Variants in MSI2 observed in about 807,000 individuals in gnomAD.
The protein encoded by MSI2 is RNA-binding protein Musashi homolog 2.
Under a neutral mutation model 45.6 loss-of-function variants are expected in MSI2, and 17 were observed. The ratio of observed to expected loss-of-function variants is 0.37; its 90% CI spans 0.26 to 0.56. The LOEUF (loss-of-function observed/expected upper bound fraction) is 0.56, where lower values mean the gene tolerates loss of function less well. Among genes scored for constraint, MSI2 ranks in the 20% least tolerant of loss-of-function variants. MSI2 has a pLI of 0.77. For missense variants in MSI2, 293 were observed against 444.2 expected (o/e 0.66, Z 3.06); for synonymous variants, 156 against 158.2 (o/e 0.99, Z 0.11).
chr17:57,653,936 A>C (rs79750865), intron 11 of MSI2, among the ~76,000 whole-genome samples: 1 of 133,728 alleles, frequency 7.5e-6, no homozygotes, highest in Admixed American at 7.3e-5. Flanking sequence ...CCAGTCACAC[A>C]TTTTTTTTTT....
chr17:57,637,990 T>G (rs947864186), intron 10 of MSI2, among the ~76,000 whole-genome samples: 1 of 152,220 alleles, frequency 6.6e-6, no homozygotes, highest in Non-Finnish European at 1.5e-5. Context: ...ATCACCTTTC[T>G]TCAAGCCCTT....
intron 6 of MSI2, among the ~76,000 whole-genome samples, chr17:57,491,091 C>T (rs1281090598): frequency 2.0e-5 from 3 of 152,294 alleles, no homozygotes; most frequent in Admixed American, 6.5e-5. Flanking sequence ...GGTGTCCTGG[C>T]GCTGGGATAA....
At chr17:57,646,333 T>G (rs1286126604) in intron 10 of MSI2, among the ~76,000 whole-genome samples, 1 of 152,180 alleles carries the variant, frequency 6.6e-6, no homozygotes, top group Non-Finnish European at 1.5e-5. Flanking sequence ...AAAGCACCAT[T>G]GACTTCTAAT....
chr17:57,470,688 T>C (rs2085418820), intron 6 of MSI2, among the ~76,000 whole-genome samples: 1 of 152,218 alleles, frequency 6.6e-6, no homozygotes, highest in Admixed American at 6.5e-5. Context: ...GGCATCAGCC[T>C]TGCTGTCCAC....
In MSI2 at chr17:57,407,627, G is replaced by A. The variant is rs551220459; in HGVS notation, c.405+6156G>A. ...ATGTAGGTGGGTTGCCCGGGGAGTG[G>A]TCAGCCTCCCGGGCCTCACCCTGTC... is the stretch of plus-strand genomic sequence containing the variant. On this transcript the variant is annotated intron_variant, in intron 6 of 13. Coordinates refer to ENST00000284073, the MANE Select transcript of MSI2 (RefSeq NM_138962.4). The surrounding 1 kb of genome is among the most constrained non-coding windows in gnomAD (Gnocchi z 4.1). Among the ~76,000 whole-genome samples, 18 of 152,260 alleles carry A rather than the reference G, an allele frequency of 1.2e-4. No individual in the cohort carries two copies. The highest frequency in any genetic ancestry group is 4.3e-4 in the African/African-American group (18 of 41,540).
At chr17:57,498,807 G>A (rs1055997253) in intron 6 of MSI2, among the ~76,000 whole-genome samples, 7 of 151,534 alleles carry the variant, frequency 4.6e-5, no homozygotes, top group African/African-American at 9.7e-5. Context: ...TAGGGTACAC[G>A]TGCACAATGT....
chr17:57,566,339 G>A (rs2087731649), intron 7 of MSI2, among the ~76,000 whole-genome samples: 1 of 152,114 alleles, frequency 6.6e-6, no homozygotes, highest in Non-Finnish European at 1.5e-5. Context: ...GAGATATCTT[G>A]ATAATGTACG....
At chr17:57,506,786 A>G (rs752514374) in intron 6 of MSI2, among the ~76,000 whole-genome samples, 14 of 152,254 alleles carry the variant, frequency 9.2e-5, no homozygotes, top group Non-Finnish European at 2.1e-4. Flanking sequence ...GTCTTCCTCC[A>G]TGTACAGACT....
chr17:57,342,854 T>C (rs934561040), intron 5 of MSI2, among the ~76,000 whole-genome samples: 26 of 152,236 alleles, frequency 1.7e-4, no homozygotes, highest in Non-Finnish European at 3.1e-4. Flanking sequence ...AATGTATTAA[T>C]ATTACCCTGT....
chr17:57,556,090 G>A (rs557959537), intron 7 of MSI2, among the ~76,000 whole-genome samples: 3 of 152,282 alleles, frequency 2.0e-5, no homozygotes, highest in South Asian at 2.1e-4. Flanking sequence ...ATTGAGTGGG[G>A]GACATTGTCC....
downstream of MSI2, among the ~76,000 whole-genome samples, chr17:57,686,283 A>C (rs950174271): frequency 1.3e-5 from 2 of 152,146 alleles, no homozygotes; most frequent in Non-Finnish European, 2.9e-5. Context: ...AGAACAACAA[A>C]TTTTCCTGTT....
At chr17:57,292,111 C>T (rs576232468) in intron 5 of MSI2, among the ~76,000 whole-genome samples, 191 of 152,078 alleles carry the variant, frequency 1.3e-3, no homozygotes, top group Non-Finnish European at 2.1e-3. Context: ...ACGCATTCAC[C>T]GAGAAGGTCC....
intron 6 of MSI2, among the ~76,000 whole-genome samples, chr17:57,431,366 A>G (rs2084590936): frequency 6.6e-6 from 1 of 152,192 alleles, no homozygotes; most frequent in African/African-American, 2.4e-5. Flanking sequence ...CAGCCAGGGA[A>G]TGTCCTTAGA....
chr17:57,505,737 C>CG (rs1376928508), intron 6 of MSI2, among the ~76,000 whole-genome samples: 1 of 151,262 alleles, frequency 6.6e-6, no homozygotes, highest in African/African-American at 2.4e-5. Flanking sequence ...GGGGGTGCGG[C>CG]GGGGGGTTGT....
At chr17:57,697,828 C>T in the MSI2 span, among the ~76,000 whole-genome samples, 2 of 152,270 alleles carry the variant, frequency 1.3e-5, no homozygotes, top group East Asian at 3.9e-4. Flanking sequence ...AATTATCTGC[C>T]ACTGGGTCCC....
At chr17:57,472,985 C>T (rs1028610574) in intron 6 of MSI2, among the ~76,000 whole-genome samples, 12 of 152,006 alleles carry the variant, frequency 7.9e-5, no homozygotes, top group African/African-American at 1.9e-4. Context: ...CTCTGCCTCC[C>T]GGGTTCAAGT....
At chr17:57,663,009 C>A (rs572017425) in intron 11 of MSI2, among the ~76,000 whole-genome samples, 2 of 152,362 alleles carry the variant, frequency 1.3e-5, no homozygotes, top group East Asian at 1.9e-4. Context: ...CACGGGCGGG[C>A]TTCTCTGGGA....
intron 9 of MSI2, among the ~76,000 whole-genome samples, chr17:57,623,687 C>A (rs972429716): frequency 1.3e-5 from 2 of 152,066 alleles, no homozygotes; most frequent in Non-Finnish European, 2.9e-5. Flanking sequence ...GTGGGAGGGG[C>A]CAGGCTGCTA....
chr17:57,359,549 G>A (rs942299433), intron 5 of MSI2, among the ~76,000 whole-genome samples: 2 of 152,288 alleles, frequency 1.3e-5, no homozygotes, highest in East Asian at 3.9e-4. Flanking sequence ...CTCAATAAAA[G>A]CTGGTAGTGA....
Sources: gnomAD v4.1 joint callset for allele counts (sites outside exome capture counted in the v4.1 genomes callset) on GRCh38, gnomAD v4.1.1 for gene constraint, Gnocchi (gnomAD v3.1) non-coding constraint, MANE v1.5 for transcripts, NCBI Gene and HGNC (gene_info 2026-07-23, HGNC 2026-07-21) for gene names.